The following RABEP1 variants were observed in gnomAD, a reference collection of about 807,000 sequenced individuals.
RABEP1 encodes rab GTPase-binding effector protein 1.
A neutral mutation model predicts 123.4 loss-of-function variants in RABEP1; 51 were observed. The ratio of observed to expected loss-of-function variants is 0.41; its 90% CI spans 0.33 to 0.52. RABEP1 has a LOEUF of 0.52. RABEP1 is among the 20% of genes least tolerant of loss of function. The pLI, the probability that RABEP1 is intolerant of heterozygous loss-of-function variation, is 0.16. For synonymous variants in RABEP1, 347 were observed against 355.2 expected (o/e 0.98, Z 0.26); for missense variants, 888 against 996.3 (o/e 0.89, Z 1.46).
At chr17:5,311,373 T>A (rs2075238644) in intron 2 of RABEP1, among the ~76,000 whole-genome samples, 3 of 152,074 alleles carry the variant, frequency 2.0e-5, no homozygotes, top group Admixed American at 2.0e-4. Context: ...AAATACACAG[T>A]TGATCACATT....
chr17:5,335,128 C>G lies in RABEP1; in HGVS notation c.368-56C>G, dbSNP rs1036149131. On this transcript the variant is annotated intron_variant, in intron 3 of 17. Transcript: ENST00000537505. ...TATAACTTTAAAAAATTTAGTGTGC[C>G]AGGTTATTTTTTTTTCATAATGCTT... 49 of 1,430,996 alleles carry G rather than the reference C, an allele frequency of 3.4e-5. No individual in the cohort carries two copies. The African/African-American group carries it at 6.7e-4, about 20-fold the overall frequency. The allele number at this position is 1,430,996 out of a possible 1,614,324, so 88.6% of individuals were successfully genotyped here. A position where few individuals can be genotyped will look rare whatever the true frequency, so the allele number is the denominator to read the frequency against.
intron 1 of RABEP1, among the ~76,000 whole-genome samples, 172 bp downstream of exon 1, chr17:5,282,692 C>T (rs1400019152): frequency 6.8e-6 from 1 of 147,236 alleles, no homozygotes; most frequent in Non-Finnish European, 1.5e-5. Flanking sequence ...GGCGCGGGCG[C>T]CCCGGCTGCC....
At chr17:5,371,379 C>G (rs903321889) in intron 12 of RABEP1, 2 of 152,210 alleles carry the variant, frequency 1.3e-5, no homozygotes, top group African/African-American at 4.8e-5. Context: ...GCTCCATTTC[C>G]ATTCCCTGTC....
intron 2 of RABEP1, among the ~76,000 whole-genome samples, chr17:5,311,081 A>T (rs914736244): frequency 6.6e-6 from 1 of 152,012 alleles, no homozygotes; most frequent in African/African-American, 2.4e-5. Flanking sequence ...GAGTGCTGGG[A>T]TTACAGGCGT....
intron 16 of RABEP1, 68 bp from the exon 17 acceptor site, chr17:5,381,321 A>G: frequency 6.4e-7 from 1 of 1,573,394 alleles, no homozygotes; most frequent in Non-Finnish European, 8.6e-7. Context: ...GGTAACTACA[A>G]GTTACTGGAT....
chr17:5,375,720 AAG>A (rs1910937543), intron 13 of RABEP1, among the ~76,000 whole-genome samples: 1 of 151,714 alleles, frequency 6.6e-6, no homozygotes, highest in African/African-American at 2.4e-5. Flanking sequence ...TAAAAAAAAA[AAG>A]GTTTTGGGAA....
intron 6 of RABEP1, 21 bp from the exon 7 acceptor site, chr17:5,350,430 G>T: frequency 6.3e-7 from 1 of 1,588,332 alleles, no homozygotes; most frequent in South Asian, 1.2e-5. Context: ...TTTGATTTGT[G>T]GTGGGGGGGT....
At chr17:5,339,901 AGATAG>A (rs1348245339) in intron 5 of RABEP1, among the ~76,000 whole-genome samples, 27 of 152,216 alleles carry the variant, frequency 1.8e-4, no homozygotes, top group African/African-American at 5.3e-4. Context: ...AGTATCACAA[AGATAG>A]GATAAGGGGG....
chr17:5,337,311 G>A (rs1168160053), intron 4 of RABEP1, among the ~76,000 whole-genome samples: 3 of 152,084 alleles, frequency 2.0e-5, no homozygotes, highest in Admixed American at 6.6e-5. Flanking sequence ...TCTATTTTGG[G>A]TGTTTAAAAT....
chr17:5,361,358 T>C lies in RABEP1; in HGVS notation c.1246T>C (p.Ser416Pro). The change falls in exon 9 of 18, where the codon TCA becomes CCA. Residue 416 changes from serine to proline, a missense_variant. Coordinates refer to ENST00000537505, the MANE Select transcript of RABEP1 (RefSeq NM_004703.6). ...QSTDSLGTSG[S>P]LQSKALGYNY... is the part of the protein sequence containing the mutation. ...TACAGACAGCTTGGGAACCTCGGGC[T>C]CATTGCAATCCAAAGCTTTAGGCTA... 1 of 1,614,174 alleles carries C rather than the reference T, an allele frequency of 6.2e-7. No homozygotes were observed. The highest frequency in any genetic ancestry group is 8.5e-7 in the Non-Finnish European group (1 of 1,180,044).
At position 5,384,826 on chromosome 17, in the gene RABEP1, A is replaced by C; in HGVS notation, c.*1603A>C. 4.6e-6 allele frequency: 1 copy of C among 217,264 alleles called. No individual in the cohort carries two copies. Among genetic ancestry groups the C allele is most frequent in the South Asian group, 1.9e-4 (1 of 5,360 alleles). The allele number at this position is 217,264 out of a possible 1,614,324, so 13.5% of individuals were successfully genotyped here. A position where few individuals can be genotyped will look rare whatever the true frequency, so the allele number is the denominator to read the frequency against. On this transcript the variant is annotated 3_prime_UTR_variant, in exon 18 of 18. Transcript: ENST00000537505. Reference sequence around the variant, plus strand: ...TACATGGTTTAGATAAAGGAAACATATAACTATTGAGTTACAGGGGATTTT... The same window carrying C: ...TACATGGTTTAGATAAAGGAAACATCTAACTATTGAGTTACAGGGGATTTT...
At chr17:5,327,123 G>A (rs1906055007) in intron 2 of RABEP1, among the ~76,000 whole-genome samples, 2 of 152,052 alleles carry the variant, frequency 1.3e-5, no homozygotes, top group South Asian at 2.1e-4. Flanking sequence ...CGAGGTGGGC[G>A]GATCACCTGA....
At chr17:5,297,741 T>C (rs369361572) in intron 1 of RABEP1, among the ~76,000 whole-genome samples, 3 of 152,142 alleles carry the variant, frequency 2.0e-5, no homozygotes, top group Non-Finnish European at 2.9e-5. Context: ...CTATTATTAG[T>C]CCCCCTTGTT....
chr17:5,301,217 G>A (rs2075132270), intron 1 of RABEP1, among the ~76,000 whole-genome samples: 1 of 152,048 alleles, frequency 6.6e-6, no homozygotes, highest in Non-Finnish European at 1.5e-5. Context: ...ACTGGGACAC[G>A]ACTAAAAGTC....
In RABEP1 at chr17:5,332,238, T is replaced by C. The variant is rs1395853014; in HGVS notation, c.367+86T>C. 17 of 1,274,036 alleles carry C rather than the reference T, an allele frequency of 1.3e-5. No homozygotes were observed. In the South Asian group the frequency reaches 1.4e-4, roughly 11 times the overall value. The allele number at this position is 1,274,036 out of a possible 1,614,324, so 78.9% of individuals were successfully genotyped here. On this transcript the variant is annotated intron_variant, in intron 3 of 17. Transcript: ENST00000537505. ...AATATTTTCAGAGAATCTTAAAATA[T>C]ATACAGAGTTTCATTTGTGGTTTTA...
chr17:5,376,324 T>C (rs938193603), intron 13 of RABEP1, among the ~76,000 whole-genome samples: 4 of 152,062 alleles, frequency 2.6e-5, no homozygotes, highest in African/African-American at 9.7e-5. Flanking sequence ...GAAGATCCTG[T>C]CTCAAGAAAA....
chr17:5,300,524 C>T (rs911192373), intron 1 of RABEP1, among the ~76,000 whole-genome samples: 2 of 152,090 alleles, frequency 1.3e-5, no homozygotes, highest in Admixed American at 6.5e-5. Flanking sequence ...GGGGTGCAAG[C>T]GGGGGGACCT....
intron 5 of RABEP1, among the ~76,000 whole-genome samples, chr17:5,343,042 C>T (rs1907752588): frequency 6.6e-6 from 1 of 151,662 alleles, no homozygotes; most frequent in East Asian, 1.9e-4. Flanking sequence ...GGTGGGTCAC[C>T]TGAGGTCAGG....
At chr17:5,288,289 T>TAG (rs2074998804) in intron 1 of RABEP1, among the ~76,000 whole-genome samples, 1 of 152,020 alleles carries the variant, frequency 6.6e-6, no homozygotes, top group Non-Finnish European at 1.5e-5. Flanking sequence ...TGTGCCTGGG[T>TAG]AGAGGAGTAG....
Sources: allele counts gnomAD v4.1 joint callset (sites outside exome capture counted in the v4.1 genomes callset), GRCh38; gene constraint gnomAD v4.1.1; transcripts MANE v1.5; gene names NCBI Gene and HGNC (gene_info 2026-07-23, HGNC 2026-07-21).